DMGDH: variants seen among roughly 807,000 people sequenced by gnomAD.
The protein encoded by DMGDH is dimethylglycine dehydrogenase, also known as dimethylglycine dehydrogenase, mitochondrial.
Under a neutral mutation model 95.2 loss-of-function variants are expected in DMGDH, and 76 were observed. The ratio of observed to expected loss-of-function variants is 0.80; its 90% confidence interval spans 0.66 to 0.97. The LOEUF (loss-of-function observed/expected upper bound fraction) is 0.97. DMGDH is among the 50% of genes least tolerant of loss of function. The pLI is 0.00. For missense variants in DMGDH, 987 were observed against 1,055.0 expected (o/e 0.94, Z 0.89); for synonymous variants, 345 against 377.6 (o/e 0.91, Z 1.00).
In DMGDH at chr5:79,055,912, A is replaced by G. The variant is rs1418209960; in HGVS notation, c.277-4T>C. ...GAAAGTAAGTTGTTAAACCTGCCTT[A>G]AAAGCAGAGAGGAAAAGAAATACTG... is the stretch of plus-strand genomic sequence containing the variant. On this transcript the variant is annotated splice_region_variant and splice_polypyrimidine_tract_variant and intron_variant, in intron 2 of 15. Coordinates refer to ENST00000255189, the MANE Select transcript of DMGDH (RefSeq NM_013391.3). 1.9e-6 allele frequency: 3 copies of G among 1,568,972 alleles called. No individual in the cohort carries two copies. The highest frequency in any genetic ancestry group is 2.6e-6 in the Non-Finnish European group (3 of 1,139,256).
At position 79,041,514 on chromosome 5, in the gene DMGDH, C is replaced by A. The variant is rs548045204; in HGVS notation, c.1193+769G>T. Among the ~76,000 whole-genome samples, 39 of 152,246 alleles carry A rather than the reference C, an allele frequency of 2.6e-4. No homozygotes were observed. In the South Asian group the frequency reaches 8.1e-3, roughly 32 times the overall value. On this transcript the variant is annotated intron_variant, in intron 7 of 15. Coordinates refer to ENST00000255189, the MANE Select transcript of DMGDH (RefSeq NM_013391.3). ...CCTGAGGACTTATAAAGAAACAAATCATGTTGGACAAACATGAATTATGGT... is the reference window on the plus strand; with the variant it reads ...CCTGAGGACTTATAAAGAAACAAATAATGTTGGACAAACATGAATTATGGT...
At chr5:79,000,830 G>A (rs1753439696) in intron 15 of DMGDH, 2 of 631,392 alleles carry the variant, frequency 3.2e-6, no homozygotes, top group Non-Finnish European at 5.7e-6. Context: ...CGAACCAGAT[G>A]GGGTGGCCAC....
chr5:79,041,955 A>C (rs1270927732), intron 7 of DMGDH, among the ~76,000 whole-genome samples: 1 of 152,140 alleles, frequency 6.6e-6, no homozygotes, highest in African/African-American at 2.4e-5. Flanking sequence ...AGTCAAGATC[A>C]CGCCACTGTA....
chr5:79,057,987 G>A (rs1346209264), intron 2 of DMGDH, among the ~76,000 whole-genome samples: 1 of 152,136 alleles, frequency 6.6e-6, no homozygotes, highest in Non-Finnish European at 1.5e-5. Flanking sequence ...TCTCTTTCAT[G>A]TGAAAAGGTC....
At chr5:79,046,931 C>T (rs1754691961) in intron 5 of DMGDH, among the ~76,000 whole-genome samples, 1 of 152,154 alleles carries the variant, frequency 6.6e-6, no homozygotes, top group Non-Finnish European at 1.5e-5. Flanking sequence ...CTGAGTCCAA[C>T]TGCTTGCTTA....
chr5:79,045,095 T>A (rs1218736768), intron 5 of DMGDH, among the ~76,000 whole-genome samples: 3 of 152,242 alleles, frequency 2.0e-5, no homozygotes, highest in Non-Finnish European at 2.9e-5. Flanking sequence ...GATTGTTCTG[T>A]TAAGCTAAAA....
Position 79,054,399 on chromosome 5 carries a change from T to A in DMGDH, c.376-51A>T, listed in dbSNP as rs764923573. The A allele has an allele frequency of 3.2e-6, 5 of 1,549,022 alleles. No homozygotes were observed. In the South Asian group the frequency reaches 5.6e-5, roughly 17 times the overall value. On this transcript the variant is annotated intron_variant, in intron 3 of 15. Transcript: ENST00000255189. ...ATATAAATAAGTCATTGTTTGGTAC[T>A]CAAACATGGTTCTGCTCCAGTATAA...
chr5:79,018,729 T>C (rs925956905), intron 14 of DMGDH, among the ~76,000 whole-genome samples: 1 of 152,218 alleles, frequency 6.6e-6, no homozygotes, highest in African/African-American at 2.4e-5. Flanking sequence ...TTATTTCAAT[T>C]CATTCCTAGA....
chr5:79,014,827 C>T (rs1753700762), intron 14 of DMGDH, among the ~76,000 whole-genome samples: 1 of 152,140 alleles, frequency 6.6e-6, no homozygotes, highest in African/African-American at 2.4e-5. Context: ...GTCAGAGTCA[C>T]AATTCAAACC....
intron 14 of DMGDH, among the ~76,000 whole-genome samples, chr5:79,015,060 C>A (rs2112606590): frequency 6.6e-6 from 1 of 152,262 alleles, no homozygotes; most frequent in East Asian, 1.9e-4. Flanking sequence ...ACTTGCAGAG[C>A]TAAGCTCTCC....
chr5:79,034,623 C>T (rs1754285600), intron 7 of DMGDH, among the ~76,000 whole-genome samples: 2 of 152,036 alleles, frequency 1.3e-5, no homozygotes, highest in South Asian at 4.2e-4. Context: ...TGCTAGTATC[C>T]CCAACAACAA....
At chr5:79,000,594 T>G (rs1753436803) in intron 15 of DMGDH, 1 of 609,108 alleles carries the variant, frequency 1.6e-6, no homozygotes, top group East Asian at 4.1e-5. Flanking sequence ...CTGGCTGACA[T>G]GCAAAAATGA....
chr5:79,030,691 A>T, intron 10 of DMGDH, 142 bp downstream of exon 10: 1 of 809,756 alleles, frequency 1.2e-6, no homozygotes, highest in South Asian at 1.8e-5. Context: ...AAAGTAAATA[A>T]GCTTGTATAC....
chr5:79,033,902 G>A (rs995489474), intron 7 of DMGDH, among the ~76,000 whole-genome samples: 12 of 152,000 alleles, frequency 7.9e-5, no homozygotes, highest in African/African-American at 2.7e-4. Context: ...ACTGCACTCC[G>A]GCCTGGGTAA....
intron 2 of DMGDH, among the ~76,000 whole-genome samples, chr5:79,062,457 C>T (rs1755238345): frequency 6.6e-6 from 1 of 150,662 alleles, no homozygotes; most frequent in Non-Finnish European, 1.5e-5. Flanking sequence ...TCCCTCTTCT[C>T]AGCCAAGGAA....
At chr5:79,037,993 AC>A (rs1179177386) in intron 7 of DMGDH, among the ~76,000 whole-genome samples, 1 of 152,148 alleles carries the variant, frequency 6.6e-6, no homozygotes, top group Non-Finnish European at 1.5e-5. Context: ...AGATGTCAAT[AC>A]TCCCCAAAAT....
At chr5:79,015,317 G>C (rs906393709) in intron 14 of DMGDH, among the ~76,000 whole-genome samples, 1 of 151,952 alleles carries the variant, frequency 6.6e-6, no homozygotes, top group Non-Finnish European at 1.5e-5. Context: ...TGAAGTCTTC[G>C]CCTTCTCTCC....
At chr5:79,069,256 G>C (rs1755473258) in intron 1 of DMGDH, among the ~76,000 whole-genome samples, 1 of 152,196 alleles carries the variant, frequency 6.6e-6, no homozygotes, top group African/African-American at 2.4e-5. Flanking sequence ...ACCTGTGTTT[G>C]CCTATGCGTA....
intron 5 of DMGDH, among the ~76,000 whole-genome samples, chr5:79,049,739 A>C (rs1754781608): frequency 6.6e-6 from 1 of 152,194 alleles, no homozygotes; most frequent in African/African-American, 2.4e-5. Flanking sequence ...AGGGAAAGTG[A>C]GCCTTAAAAA....
Sources: gnomAD v4.1 joint callset for allele counts (sites outside exome capture counted in the v4.1 genomes callset) on GRCh38, gnomAD v4.1.1 for gene constraint, MANE v1.5 for transcripts, NCBI Gene and HGNC (gene_info 2026-07-23, HGNC 2026-07-21) for gene names.